Variants in RGS9 observed in about 807,000 individuals in gnomAD.
The protein encoded by RGS9 is regulator of G-protein signalling 9.
RGS9 carries 78 observed loss-of-function variants against 102.0 expected under a neutral mutation model. That is an observed-to-expected ratio of 0.76 (90% CI 0.64 to 0.92). The LOEUF is 0.92. RGS9 is among the 40% of genes least tolerant of loss of function. RGS9 has a pLI of 0.00. For synonymous variants in RGS9, 353 were observed against 318.6 expected (o/e 1.11, Z -1.15); for missense variants, 833 against 866.1 (o/e 0.96, Z 0.48).
intron 8 of RGS9, among the ~76,000 whole-genome samples, chr17:65,169,762 G>C (rs1424899227): frequency 6.6e-6 from 1 of 152,074 alleles, no homozygotes; most frequent in Non-Finnish European, 1.5e-5. Flanking sequence ...TGGCTGAGTG[G>C]CTCTTCACAG....
chr17:65,227,341 T>C lies in RGS9; in HGVS notation c.1959T>C (p.Ala653=), dbSNP rs1376270504. The stretch of plus-strand genomic sequence containing the variant: ...CCTGCTTGATGGACTCGGAGGATGC[T>C]GGAACAGGAGAGTCGGGTGACCGGG... ...SGTCLMDSED[A]GTGESGDRAT... is the part of the protein sequence containing the mutation. Residue 653 remains alanine, a synonymous_variant, in exon 19 of 19, where the codon GCT becomes GCC. Transcript: ENST00000262406. 3 of 1,614,088 alleles carry C rather than the reference T, an allele frequency of 1.9e-6. No individual in the cohort carries two copies. The highest frequency in any genetic ancestry group is 2.2e-5 in the South Asian group (2 of 91,074).
intron 9 of RGS9, among the ~76,000 whole-genome samples, chr17:65,187,602 G>A (rs1326086512): frequency 6.6e-6 from 1 of 152,186 alleles, no homozygotes; most frequent in Non-Finnish European, 1.5e-5. Context: ...TTTGCTGACT[G>A]CCTCAAAGGA....
At chr17:65,213,817 G>A (rs574102300) in intron 17 of RGS9, among the ~76,000 whole-genome samples, 13 of 152,278 alleles carry the variant, frequency 8.5e-5, no homozygotes, top group Admixed American at 7.2e-4. Context: ...GAGAGACACA[G>A]CACGTAAACA....
chr17:65,156,374 C>T (rs982231771), intron 2 of RGS9, among the ~76,000 whole-genome samples: 2 of 152,212 alleles, frequency 1.3e-5, no homozygotes, highest in Non-Finnish European at 2.9e-5. Flanking sequence ...GCTTTCCTTC[C>T]CTGCACACGG....
chr17:65,207,738 T>C (rs1194893298), intron 15 of RGS9, among the ~76,000 whole-genome samples, 184 bp from the exon 16 acceptor site: 2 of 152,176 alleles, frequency 1.3e-5, no homozygotes, highest in Non-Finnish European at 2.9e-5. Context: ...TTGATGCTTC[T>C]GGAGGGGACC....
intron 1 of RGS9, among the ~76,000 whole-genome samples, chr17:65,146,716 G>A (rs2143959585): frequency 6.6e-6 from 1 of 151,662 alleles, no homozygotes; most frequent in African/African-American, 2.4e-5. Context: ...ACAACATGGT[G>A]AAACCTCATC....
At chr17:65,191,400 C>G (rs998451604) in intron 11 of RGS9, among the ~76,000 whole-genome samples, 2 of 151,550 alleles carry the variant, frequency 1.3e-5, no homozygotes, top group Non-Finnish European at 2.9e-5. Flanking sequence ...TGTTTTTTAC[C>G]TCCAGCTTCT....
intron 18 of RGS9, among the ~76,000 whole-genome samples, chr17:65,226,617 G>GT (rs142345483): frequency 0.11 from 15,129 of 142,088 alleles, 1,750 homozygotes; most frequent in African/African-American, 0.29. Context: ...TTGTCTGGGT[G>GT]TTTTTTTTTT....
Position 65,204,351 on chromosome 17 carries a change from C to T in RGS9, c.1203+50C>T, listed in dbSNP as rs373846977. On this transcript the variant is annotated intron_variant, in intron 15 of 18. Transcript: ENST00000262406. ...CGGGGTCCAGATAGGCTTTCTGTCA[C>T]TAAGTACCCGGAAAATTCTTTAGAT... 3.6e-5 allele frequency: 57 copies of T among 1,603,244 alleles called. No individual in the cohort carries two copies. The African/African-American group carries it at 6.0e-4, about 17-fold the overall frequency.
Position 65,207,934 on chromosome 17 carries a change from C to T in RGS9, c.1216C>T (p.Arg406Cys), listed in dbSNP as rs1343628214. 10 of 1,611,642 alleles carry T rather than the reference C, an allele frequency of 6.2e-6. No individual in the cohort carries two copies. Among genetic ancestry groups the T allele is most frequent in the Admixed American group, 1.7e-5 (1 of 59,974 alleles). Residue 406 changes from arginine (R) to cysteine (C), a missense_variant, in exon 16 of 19, where the codon CGC becomes TGC. Arg to Cys is a radical substitution (Grantham distance 180). Coordinates refer to ENST00000262406, the MANE Select transcript of RGS9 (RefSeq NM_003835.4). ...YMLMKKDSYA[R>C]YLKSPIYKDM... ...TTGTTCCCACTAGGATTCTTATGCTCGCTATTTAAAATCTCCGATCTATAA... is the reference window on the plus strand; with the variant it reads ...TTGTTCCCACTAGGATTCTTATGCTTGCTATTTAAAATCTCCGATCTATAA...
rs1598546891 is a variant in RGS9 at position 65,137,468 on chromosome 17, C to T, written c.-73C>T. 3 of 1,499,806 alleles carry T rather than the reference C, an allele frequency of 2.0e-6. No individual in the cohort carries two copies. The East Asian group carries it at 6.8e-5, about 34-fold the overall frequency. 92.9% of individuals were successfully genotyped at this position (1,499,806 alleles called of 1,614,324 possible). ...CCCAGGGCTGGGGCGAGCCAGGCTG[C>T]CTTTCGAACTTGGGGGGCTTCTCCT... On this transcript the variant is annotated 5_prime_UTR_variant, in exon 1 of 19. Transcript: ENST00000262406.
chr17:65,203,218 T>C (rs558958572), intron 14 of RGS9, among the ~76,000 whole-genome samples: 1 of 152,246 alleles, frequency 6.6e-6, no homozygotes, highest in Non-Finnish European at 1.5e-5. Context: ...ATACACTCTA[T>C]TGCAAATTTG....
At chr17:65,199,999 G>T (rs8075981) in intron 13 of RGS9, among the ~76,000 whole-genome samples, 30,637 of 151,964 alleles carry the variant, frequency 0.2, 5,217 homozygotes, top group African/African-American at 0.44. Flanking sequence ...TAATATTTTT[G>T]GTGGGAAAAC....
At chr17:65,154,240 G>C (rs1910687820) in intron 2 of RGS9, among the ~76,000 whole-genome samples, 1 of 152,142 alleles carries the variant, frequency 6.6e-6, no homozygotes, top group Admixed American at 6.6e-5. Context: ...CCGGGAGGCG[G>C]AGTTTGCAGT....
intron 13 of RGS9, among the ~76,000 whole-genome samples, 169 bp downstream of exon 13, chr17:65,197,410 G>T (rs1430301771): frequency 6.6e-6 from 1 of 152,148 alleles, no homozygotes; most frequent in Admixed American, 6.5e-5. Flanking sequence ...CTGAGCCCAA[G>T]ACTCGTTCTT....
chr17:65,212,872 A>T (rs2869584), intron 17 of RGS9, among the ~76,000 whole-genome samples: 28,597 of 152,168 alleles, frequency 0.19, 4,677 homozygotes, highest in African/African-American at 0.44. Flanking sequence ...GTGACACGAG[A>T]GGAGGGACTG....
At chr17:65,189,384 TA>T (rs1912271433) in intron 10 of RGS9, 69 bp downstream of exon 10, 1 of 1,211,628 alleles carries the variant, frequency 8.3e-7, no homozygotes. Context: ...TACTTTGTTT[TA>T]CCCTCTGCGC....
intron 9 of RGS9, among the ~76,000 whole-genome samples, chr17:65,181,012 T>C (rs1598592716): frequency 6.6e-6 from 1 of 152,212 alleles, no homozygotes. Context: ...TATTCCATGG[T>C]ATATATGTAC....
intron 17 of RGS9, among the ~76,000 whole-genome samples, chr17:65,224,064 AGGCTTTGATGT>A (rs1905498260): frequency 2.0e-5 from 3 of 152,230 alleles, no homozygotes; most frequent in African/African-American, 7.2e-5. Flanking sequence ...GCTTCATGCC[AGGCTTTGATGT>A]GGCTTGGGCC....
Sources: allele counts gnomAD v4.1 joint callset (sites outside exome capture counted in the v4.1 genomes callset), GRCh38; gene constraint gnomAD v4.1.1; transcripts MANE v1.5; gene names NCBI Gene and HGNC (gene_info 2026-07-23, HGNC 2026-07-21).